FSTL4: variants seen among roughly 807,000 people sequenced by gnomAD.
The protein encoded by FSTL4 is follistatin like 4, also known as follistatin-related protein 4.
FSTL4 carries 28 observed loss-of-function variants against 78.2 expected under a neutral mutation model. The ratio of observed to expected loss-of-function variants is 0.36; its 90% CI spans 0.27 to 0.49. FSTL4 has a LOEUF of 0.49. FSTL4 is among the 20% of genes least tolerant of loss of function. The pLI is 0.98. For missense variants in FSTL4, 922 were observed against 1,084.9 expected (o/e 0.85, Z 2.11); for synonymous variants, 422 against 440.5 (o/e 0.96, Z 0.53).
chr5:133,314,472 G>A (rs562195759), intron 5 of FSTL4, among the ~76,000 whole-genome samples: 2 of 152,328 alleles, frequency 1.3e-5, no homozygotes, highest in African/African-American at 4.8e-5. Context: ...GCTCAGGACT[G>A]GCTGGGACGG....
chr5:133,387,943 C>T (rs999301931), intron 4 of FSTL4: 1 of 152,238 alleles, frequency 6.6e-6, no homozygotes, highest in Admixed American at 6.5e-5. Flanking sequence ...TGGGAACAGC[C>T]ATGGACACTT....
chr5:133,578,997 A>T (rs190441411), intron 2 of FSTL4, among the ~76,000 whole-genome samples: 1 of 152,364 alleles, frequency 6.6e-6, no homozygotes, highest in African/African-American at 2.4e-5. Context: ...CCATCACAAC[A>T]GTTAGCAGCA....
intron 3 of FSTL4, among the ~76,000 whole-genome samples, chr5:133,488,828 G>A (rs1758194859): frequency 6.6e-6 from 1 of 152,072 alleles, no homozygotes; most frequent in Admixed American, 6.5e-5. Flanking sequence ...AATCTCATGG[G>A]CCCCATGATG....
intron 3 of FSTL4, among the ~76,000 whole-genome samples, chr5:133,455,763 G>A (rs966024419): frequency 1.3e-5 from 2 of 152,226 alleles, no homozygotes; most frequent in Non-Finnish European, 2.9e-5. Context: ...AAAAGGCAAA[G>A]GGTTGGTGAC....
chr5:133,722,226 A>G, the FSTL4 span, among the ~76,000 whole-genome samples: 1 of 152,082 alleles, frequency 6.6e-6, no homozygotes, highest in South Asian at 2.1e-4. Flanking sequence ...TGCAAACCCT[A>G]TAGTGAACTG....
chr5:133,598,169 A>T (rs1022216062), intron 2 of FSTL4, among the ~76,000 whole-genome samples: 1 of 152,080 alleles, frequency 6.6e-6, no homozygotes, highest in Non-Finnish European at 1.5e-5. Flanking sequence ...GCATCATGTC[A>T]GCAAGAACTA....
intron 4 of FSTL4, among the ~76,000 whole-genome samples, chr5:133,344,521 C>T (rs751994877): frequency 6.6e-6 from 1 of 152,172 alleles, no homozygotes; most frequent in Non-Finnish European, 1.5e-5. Context: ...TTATTTTAAG[C>T]TTCATAGTTA....
chr5:133,460,055 T>G (rs1757562944), intron 3 of FSTL4, among the ~76,000 whole-genome samples: 2 of 152,172 alleles, frequency 1.3e-5, no homozygotes, highest in South Asian at 4.1e-4. Context: ...TTCATCCTCT[T>G]CATTTAAATA....
At chr5:133,354,088 C>T (rs1315059173) in intron 4 of FSTL4, among the ~76,000 whole-genome samples, 1 of 152,220 alleles carries the variant, frequency 6.6e-6, no homozygotes, top group Non-Finnish European at 1.5e-5. Context: ...AGAGAGGTCA[C>T]TTATCCTCCC....
the FSTL4 span, among the ~76,000 whole-genome samples, chr5:133,689,679 T>A: frequency 1.3e-5 from 2 of 152,150 alleles, no homozygotes; most frequent in African/African-American, 2.4e-5. Flanking sequence ...CTGCCCTACT[T>A]TTTCAAGCTT....
the FSTL4 span, among the ~76,000 whole-genome samples, chr5:133,739,290 T>TC: frequency 7.3e-6 from 1 of 136,642 alleles, no homozygotes. Flanking sequence ...TCTTTTTCTT[T>TC]TTTTTTTTTT....
At chr5:133,536,958 G>A (rs1759362511) in intron 3 of FSTL4, among the ~76,000 whole-genome samples, 1 of 152,148 alleles carries the variant, frequency 6.6e-6, no homozygotes, top group Non-Finnish European at 1.5e-5. Flanking sequence ...GTGCAAATAT[G>A]GAAAAGATTC....
chr5:133,496,145 G>C (rs978801439), intron 3 of FSTL4, among the ~76,000 whole-genome samples: 3 of 152,204 alleles, frequency 2.0e-5, no homozygotes, highest in African/African-American at 7.2e-5. Context: ...ACACTCCACA[G>C]CATGTGCTCT....
intron 13 of FSTL4, among the ~76,000 whole-genome samples, chr5:133,216,204 A>G (rs1750899460): frequency 6.6e-6 from 1 of 152,174 alleles, no homozygotes; most frequent in African/African-American, 2.4e-5. Flanking sequence ...CTTCATGTTT[A>G]AAATATGTCA....
chr5:133,423,243 C>T (rs1351097041), intron 3 of FSTL4, among the ~76,000 whole-genome samples: 2 of 152,234 alleles, frequency 1.3e-5, no homozygotes, highest in Admixed American at 6.5e-5. Context: ...CTGGATGAGG[C>T]GCAGTCCTGA....
the FSTL4 span, among the ~76,000 whole-genome samples, chr5:133,662,008 C>T: frequency 1.3e-5 from 2 of 152,152 alleles, no homozygotes; most frequent in Admixed American, 6.5e-5. Flanking sequence ...TACCAGAATC[C>T]AACCATACAT....
At chr5:133,341,695 T>A (rs1754585730) in intron 4 of FSTL4, among the ~76,000 whole-genome samples, 1 of 152,184 alleles carries the variant, frequency 6.6e-6, no homozygotes, top group African/African-American at 2.4e-5. Context: ...ATATCCCATA[T>A]GTCCTGCCAG....
chr5:133,349,449 A>T (rs1754775263), intron 4 of FSTL4, among the ~76,000 whole-genome samples: 2 of 152,236 alleles, frequency 1.3e-5, no homozygotes, highest in East Asian at 3.8e-4. Context: ...CTAAGAGTGC[A>T]GCCAGCACAG....
intron 3 of FSTL4, among the ~76,000 whole-genome samples, chr5:133,539,433 C>T (rs187394644): frequency 1.1e-3 from 164 of 152,264 alleles, no homozygotes; most frequent in Non-Finnish European, 2.0e-3. Context: ...CAGCTCCTCG[C>T]ACACCATTCC....
Sources: allele counts gnomAD v4.1 joint callset (sites outside exome capture counted in the v4.1 genomes callset), GRCh38; gene constraint gnomAD v4.1.1; transcripts MANE v1.5; gene names NCBI Gene and HGNC (gene_info 2026-07-23, HGNC 2026-07-21).